Variants in ADAMTS3 observed in about 807,000 individuals in gnomAD.
ADAMTS3 encodes A disintegrin and metalloproteinase with thrombospondin motifs 3.
In ADAMTS3, 73 loss-of-function variants were observed where a neutral mutation model predicts 129.0. The ratio of observed to expected loss-of-function variants is 0.57; its 90% CI spans 0.47 to 0.69. The LOEUF is 0.69. Ranked by LOEUF, ADAMTS3 falls within the 30% of genes least tolerant of loss-of-function variation. The pLI, the probability that ADAMTS3 is intolerant of heterozygous loss-of-function variation, is 0.00. For missense variants in ADAMTS3, 1,457 were observed against 1,514.5 expected, an observed-to-expected ratio of 0.96 and a Z score of 0.63; for synonymous variants, 477 against 510.8, an observed-to-expected ratio of 0.93 and a Z score of 0.89.
chr4:72,566,179 T>C (rs1722016227), intron 2 of ADAMTS3, among the ~76,000 whole-genome samples: 2 of 152,146 alleles, frequency 1.3e-5, no homozygotes, highest in Admixed American at 1.3e-4. Flanking sequence ...AGGTCTAAGC[T>C]TGGGAAATAC....
chr4:72,429,791 C>T (rs965599564), intron 3 of ADAMTS3, among the ~76,000 whole-genome samples: 1 of 151,988 alleles, frequency 6.6e-6, no homozygotes, highest in African/African-American at 2.4e-5. Flanking sequence ...CAGATCAGTT[C>T]AACTATTCCT....
At chr4:72,558,788 C>T (rs1721831039) in intron 2 of ADAMTS3, among the ~76,000 whole-genome samples, 1 of 151,672 alleles carries the variant, frequency 6.6e-6, no homozygotes, top group African/African-American at 2.4e-5. Flanking sequence ...CAGTCACACT[C>T]CTTACAAATC....
chr4:72,500,993 C>A lies in ADAMTS3; in HGVS notation c.504+47485G>T, dbSNP rs549582475. 2.8e-3 allele frequency among the ~76,000 whole-genome samples: 433 copies of A among 152,174 alleles called. 4 individuals are homozygous for A. Among genetic ancestry groups the A allele is most frequent in the African/African-American group, 0.01 (420 of 41,524 alleles). On this transcript the variant is annotated intron_variant, in intron 3 of 21. Coordinates refer to ENST00000286657, the MANE Select transcript of ADAMTS3 (RefSeq NM_014243.3). ...CTATTTGTCTGTTTTTGTGCATGTA[C>A]CATGCTGTTTTAGTTACTGTAGCCT...
chr4:72,298,399 T>TTA lies in ADAMTS3; in HGVS notation c.2466_2467dup (p.Lys823IlefsTer23). ...TACAGAGTCTTCATGGATGATGTACTTATATGTCAGGCTAGAGCGGGTATC... is the reference window on the plus strand; with the variant it reads ...TACAGAGTCTTCATGGATGATGTACTTATATATGTCAGGCTAGAGCGGGTATC... On this transcript the variant is annotated frameshift_variant, in exon 18 of 22. Coordinates refer to ENST00000286657, the MANE Select transcript of ADAMTS3 (RefSeq NM_014243.3). LOFTEE classifies it high-confidence loss of function. 6.2e-7 allele frequency: 1 copy of TTA among 1,612,200 alleles called. No homozygotes were observed. The highest frequency in any genetic ancestry group is 8.5e-7 in the Non-Finnish European group (1 of 1,178,714).
chr4:72,380,614 C>A (rs1275769116), intron 4 of ADAMTS3, among the ~76,000 whole-genome samples: 1 of 152,042 alleles, frequency 6.6e-6, no homozygotes, highest in African/African-American at 2.4e-5. Flanking sequence ...CACTAGTAAA[C>A]AATTTTTACC....
At chr4:72,555,333 C>A (rs143746810) in intron 2 of ADAMTS3, among the ~76,000 whole-genome samples, 2 of 151,870 alleles carry the variant, frequency 1.3e-5, no homozygotes, top group Non-Finnish European at 2.9e-5. Context: ...GCTCACAAGA[C>A]CTGGCTTAAG....
chr4:72,450,243 C>T (rs763467863), intron 3 of ADAMTS3, among the ~76,000 whole-genome samples: 3 of 151,756 alleles, frequency 2.0e-5, no homozygotes, highest in East Asian at 2.0e-4. Context: ...CTCATACAAC[C>T]CCTGCTTGAA....
At chr4:72,397,562 T>TACACACACACACACACACACACAC (rs35076637) in intron 4 of ADAMTS3, among the ~76,000 whole-genome samples, 1 of 147,478 alleles carries the variant, frequency 6.8e-6, no homozygotes, top group Non-Finnish European at 1.5e-5. Context: ...GAGACTCTAT[T>TACACACACACACACACACACACAC]ACACACACAC....
At chr4:72,533,542 A>G (rs868312132) in intron 3 of ADAMTS3, among the ~76,000 whole-genome samples, 1 of 92,476 alleles carries the variant, frequency 1.1e-5, no homozygotes, top group Non-Finnish European at 2.6e-5. Flanking sequence ...TCAAGTACAT[A>G]ATTGCAGGTG....
intron 3 of ADAMTS3, among the ~76,000 whole-genome samples, chr4:72,419,270 G>A (rs1722383594): frequency 6.6e-6 from 1 of 152,144 alleles, no homozygotes; most frequent in South Asian, 2.1e-4. Context: ...AGCTACTAAG[G>A]CACATATATC....
At chr4:72,384,314 T>G (rs913621254) in intron 4 of ADAMTS3, among the ~76,000 whole-genome samples, 1 of 152,154 alleles carries the variant, frequency 6.6e-6, no homozygotes, top group Non-Finnish European at 1.5e-5. Flanking sequence ...TTCAAAAAGT[T>G]CAGTGAATTT....
At chr4:72,517,990 C>G (rs1408437284) in intron 3 of ADAMTS3, among the ~76,000 whole-genome samples, 2 of 151,724 alleles carry the variant, frequency 1.3e-5, no homozygotes, top group Non-Finnish European at 1.5e-5. Flanking sequence ...ATAAATTTCC[C>G]TCTACACACT....
At chr4:72,374,276 T>A (rs1288921386) in intron 4 of ADAMTS3, among the ~76,000 whole-genome samples, 1 of 151,190 alleles carries the variant, frequency 6.6e-6, no homozygotes, top group Non-Finnish European at 1.5e-5. Context: ...TCCTGCATGT[T>A]TGGGAGTAAC....
chr4:72,486,382 T>A (rs1719591890), intron 3 of ADAMTS3, among the ~76,000 whole-genome samples: 1 of 152,202 alleles, frequency 6.6e-6, no homozygotes, highest in Non-Finnish European at 1.5e-5. Flanking sequence ...TTACTCATAT[T>A]TCTGCTCAGT....
intron 13 of ADAMTS3, among the ~76,000 whole-genome samples, 170 bp from the exon 14 acceptor site, chr4:72,311,351 A>AT (rs3217411): frequency 0.2 from 30,687 of 150,074 alleles, 3,536 homozygotes; most frequent in East Asian, 0.47. Context: ...TACATTTGAC[A>AT]TTTTTTTTTT....
chr4:72,551,759 A>T (rs1245934477), intron 2 of ADAMTS3, among the ~76,000 whole-genome samples: 1 of 152,212 alleles, frequency 6.6e-6, no homozygotes, highest in East Asian at 1.9e-4. Flanking sequence ...GACACATATA[A>T]GCAAAGAGCC....
At chr4:72,427,646 G>T (rs558978876) in intron 3 of ADAMTS3, among the ~76,000 whole-genome samples, 1 of 151,938 alleles carries the variant, frequency 6.6e-6, no homozygotes, top group Non-Finnish European at 1.5e-5. Context: ...GACAAAAAAA[G>T]AAGAAAAAAA....
chr4:72,349,411 G>C (rs1049910343), intron 4 of ADAMTS3, among the ~76,000 whole-genome samples: 8 of 151,882 alleles, frequency 5.3e-5, no homozygotes, highest in Admixed American at 3.9e-4. Context: ...GCTACACTAA[G>C]AGAATCTATA....
chr4:72,362,451 TA>T (rs1720754025), intron 4 of ADAMTS3, among the ~76,000 whole-genome samples: 1 of 152,156 alleles, frequency 6.6e-6, no homozygotes, highest in Admixed American at 6.5e-5. Context: ...ATGGGAAATT[TA>T]AACTCTTCAT....
Sources: gnomAD v4.1 joint callset for allele counts (sites outside exome capture counted in the v4.1 genomes callset) on GRCh38, gnomAD v4.1.1 for gene constraint, MANE v1.5 for transcripts, NCBI Gene and HGNC (gene_info 2026-07-23, HGNC 2026-07-21) for gene names.